The following DDR2 variants were observed in gnomAD, a reference collection of about 807,000 sequenced individuals.
DDR2 encodes discoidin domain-containing receptor 2.
DDR2 carries 27 observed loss-of-function variants against 94.9 expected under a neutral mutation model. The ratio of observed to expected loss-of-function variants is 0.28; its 90% CI spans 0.21 to 0.39. DDR2 has a LOEUF of 0.39. Ranked by LOEUF, DDR2 falls within the 10% of genes least tolerant of loss-of-function variation. The probability of loss-of-function intolerance (pLI) is 1.00; values close to 1 mark genes in which losing one functional copy is unlikely to be tolerated. For synonymous variants in DDR2, 382 were observed against 377.2 expected (o/e 1.01, Z -0.15); for missense variants, 783 against 1,076.0 (o/e 0.73, Z 3.81).
At chr1:162,680,978 G>T (rs548464992) in intron 2 of DDR2, among the ~76,000 whole-genome samples, 1 of 152,126 alleles carries the variant, frequency 6.6e-6, no homozygotes. Flanking sequence ...CCATAGAGAC[G>T]TGAACATCGA....
intron 3 of DDR2, among the ~76,000 whole-genome samples, chr1:162,730,620 C>G (rs1463323474): frequency 1.3e-5 from 2 of 152,142 alleles, no homozygotes; most frequent in Admixed American, 6.5e-5. Context: ...ACAAATCCAC[C>G]TCGAAAGCAG....
chr1:162,763,393 T>C (rs1388274458), intron 9 of DDR2, among the ~76,000 whole-genome samples: 2 of 125,798 alleles, frequency 1.6e-5, no homozygotes, highest in Non-Finnish European at 3.2e-5. Flanking sequence ...AAGACGGGGT[T>C]TCACCATGCT....
intron 3 of DDR2, chr1:162,741,845 TG>T: frequency 1.4e-6 from 1 of 704,748 alleles, no homozygotes; most frequent in Non-Finnish European, 1.7e-6. Context: ...ATTAAGTCAC[TG>T]GTGACAAGGA....
At chr1:162,647,902 C>G (rs1657492928) in intron 1 of DDR2, among the ~76,000 whole-genome samples, 1 of 152,142 alleles carries the variant, frequency 6.6e-6, no homozygotes, top group Non-Finnish European at 1.5e-5. Flanking sequence ...GTGCCAACGT[C>G]CTGTCTCATC....
intron 2 of DDR2, among the ~76,000 whole-genome samples, chr1:162,662,913 T>A (rs555440639): frequency 2.0e-5 from 3 of 152,186 alleles, no homozygotes; most frequent in African/African-American, 7.2e-5. Flanking sequence ...GACTTCAGCT[T>A]CTGAGGCACA....
intron 2 of DDR2, among the ~76,000 whole-genome samples, chr1:162,692,671 G>A (rs1660010893): frequency 6.6e-6 from 1 of 152,150 alleles, no homozygotes; most frequent in East Asian, 1.9e-4. Flanking sequence ...GAAAGAGTGG[G>A]AAATAATGTA....
intron 3 of DDR2, among the ~76,000 whole-genome samples, chr1:162,750,206 C>T (rs1663111818): frequency 6.6e-6 from 1 of 152,012 alleles, no homozygotes. Context: ...TCAAATTGTC[C>T]CTGTTTGCAG....
At chr1:162,751,210 A>G (rs1663176609) in intron 3 of DDR2, among the ~76,000 whole-genome samples, 1 of 152,218 alleles carries the variant, frequency 6.6e-6, no homozygotes. Context: ...TGAACAGGCA[A>G]CCTACAGAAT....
chr1:162,668,538 C>T (rs1325739401), intron 2 of DDR2, among the ~76,000 whole-genome samples: 1 of 152,136 alleles, frequency 6.6e-6, no homozygotes, highest in Non-Finnish European at 1.5e-5. Flanking sequence ...AAGCATCTTT[C>T]TTTGACATCT....
intron 10 of DDR2, among the ~76,000 whole-genome samples, chr1:162,766,768 T>C (rs1664009863): frequency 6.6e-6 from 1 of 152,082 alleles, no homozygotes; most frequent in Non-Finnish European, 1.5e-5. Flanking sequence ...GCGTGGTGGC[T>C]CACACCTGTA....
chr1:162,720,712 G>A (rs989101471), intron 3 of DDR2, among the ~76,000 whole-genome samples: 10 of 152,048 alleles, frequency 6.6e-5, no homozygotes, highest in African/African-American at 2.4e-4. Flanking sequence ...ATACTATTCT[G>A]CATAATACCA....
At chr1:162,715,384 T>G (rs1661120464) in intron 2 of DDR2, among the ~76,000 whole-genome samples, 1 of 152,286 alleles carries the variant, frequency 6.6e-6, no homozygotes, top group South Asian at 2.1e-4. Flanking sequence ...GAGAATATTT[T>G]GCTGAGAAAG....
chr1:162,678,251 G>A (rs868506457), intron 2 of DDR2, among the ~76,000 whole-genome samples: 2 of 48,636 alleles, frequency 4.1e-5, no homozygotes, highest in Admixed American at 1.5e-4. Context: ...GGCAGGTTAA[G>A]TAACTTTTTG....
chr1:162,712,898 G>A (rs1571230356), intron 2 of DDR2, among the ~76,000 whole-genome samples: 1 of 152,136 alleles, frequency 6.6e-6, no homozygotes, highest in Non-Finnish European at 1.5e-5. Context: ...AGATATGCAA[G>A]ATCCTTGACC....
chr1:162,665,303 C>G (rs988433084), intron 2 of DDR2, among the ~76,000 whole-genome samples: 1 of 152,166 alleles, frequency 6.6e-6, no homozygotes, highest in African/African-American at 2.4e-5. Flanking sequence ...CTCTAGATCT[C>G]AGATGGAACA....
intron 2 of DDR2, among the ~76,000 whole-genome samples, chr1:162,709,700 AGAAGGTACGGTGG>A (rs1660812474): frequency 6.6e-6 from 1 of 152,252 alleles, no homozygotes; most frequent in South Asian, 2.1e-4. Context: ...AGCCTGGGAC[AGAAGGTACGGTGG>A]GAAAGAAAAT....
At chr1:162,650,788 C>A (rs1002171218) in intron 1 of DDR2, among the ~76,000 whole-genome samples, 8 of 151,884 alleles carry the variant, frequency 5.3e-5, no homozygotes, top group African/African-American at 1.9e-4. Context: ...TGCAGTGGCT[C>A]GATCTCAGCT....
intron 12 of DDR2, among the ~76,000 whole-genome samples, chr1:162,771,712 C>A (rs1013893624): frequency 1.1e-4 from 16 of 152,272 alleles, no homozygotes; most frequent in South Asian, 6.2e-4. Flanking sequence ...AAACCTTCAA[C>A]CTTTAATATT....
intron 2 of DDR2, among the ~76,000 whole-genome samples, chr1:162,659,767 A>G (rs1012640532): frequency 1.3e-5 from 2 of 152,116 alleles, no homozygotes; most frequent in Non-Finnish European, 2.9e-5. Flanking sequence ...AAAATGTAAA[A>G]ATATATATGC....
Sources: allele counts gnomAD v4.1 joint callset (sites outside exome capture counted in the v4.1 genomes callset), GRCh38; gene constraint gnomAD v4.1.1; transcripts MANE v1.5; gene names NCBI Gene and HGNC (gene_info 2026-07-23, HGNC 2026-07-21).